ADGRL3: variants seen among roughly 807,000 people sequenced by gnomAD.
ADGRL3 encodes the protein calcium-independent alpha-latrotoxin receptor 3.
A neutral mutation model predicts 153.5 loss-of-function variants in ADGRL3; 62 were observed. The observed-to-expected ratio is 0.40, with a 90% CI of 0.33 to 0.50. ADGRL3 has a LOEUF of 0.50. Ranked by LOEUF, ADGRL3 falls within the 20% of genes least tolerant of loss-of-function variation. The pLI, the probability that ADGRL3 is intolerant of heterozygous loss-of-function variation, is 0.47. For missense variants in ADGRL3, 1,641 were observed against 1,859.4 expected, an observed-to-expected ratio of 0.88 and a Z score of 2.16; for synonymous variants, 710 against 672.5, an observed-to-expected ratio of 1.06 and a Z score of -0.86.
At chr4:61,787,367 TAAA>T (rs34070125) in intron 8 of ADGRL3, among the ~76,000 whole-genome samples, 1 of 150,932 alleles carries the variant, frequency 6.6e-6, no homozygotes, top group African/African-American at 2.4e-5. Context: ...ACTTTTTTTT[TAAA>T]AAAAAAGCAT....
intron 9 of ADGRL3, among the ~76,000 whole-genome samples, chr4:61,842,131 A>G (rs1325816412): frequency 2.0e-5 from 3 of 152,244 alleles, no homozygotes; most frequent in African/African-American, 7.2e-5. Flanking sequence ...TAAATTCTAT[A>G]CAGTTAAAAC....
rs1217103808 is a variant in ADGRL3, at chr4:61,935,994, G to A, written c.2368G>A (p.Gly790Arg). ...AAAATTTCCAGAAAACATGGGCCAT[G>A]GAAGCACTATCCAGCTGTCTGCAAA... ...DLKFPENMGH[G>R]STIQLSANTL... Residue 790 changes from glycine to arginine, a missense_variant, in exon 15 of 27, where the codon GGA becomes AGA. Coordinates refer to ENST00000683033, the MANE Select transcript of ADGRL3 (RefSeq NM_001387552.1). 6.2e-7 allele frequency: 1 copy of A among 1,609,320 alleles called. No individual in the cohort carries two copies. The highest frequency in any genetic ancestry group is 8.5e-7 in the Non-Finnish European group (1 of 1,177,654).
intron 8 of ADGRL3, among the ~76,000 whole-genome samples, chr4:61,780,300 C>T (rs1216304704): frequency 6.6e-6 from 1 of 152,182 alleles, no homozygotes; most frequent in African/African-American, 2.4e-5. Context: ...TGCCATTTAT[C>T]CTCACCTTGA....
intron 6 of ADGRL3, among the ~76,000 whole-genome samples, chr4:61,702,453 T>C (rs543032239): frequency 6.6e-6 from 1 of 152,334 alleles, no homozygotes; most frequent in East Asian, 1.9e-4. Context: ...TTTATAACTT[T>C]ATTTTATAAT....
intron 17 of ADGRL3, among the ~76,000 whole-genome samples, chr4:61,961,676 AAAG>A (rs562049162): frequency 1.3e-3 from 193 of 152,298 alleles, no homozygotes; most frequent in African/African-American, 4.5e-3. Context: ...AAAAAAGAAG[AAAG>A]AGAATCTACC....
chr4:61,785,637 A>G (rs983773580), intron 8 of ADGRL3, among the ~76,000 whole-genome samples: 2 of 152,140 alleles, frequency 1.3e-5, no homozygotes, highest in Non-Finnish European at 2.9e-5. Context: ...GAATAAACCC[A>G]TAGAATTTTC....
intron 12 of ADGRL3, among the ~76,000 whole-genome samples, chr4:61,911,290 A>T (rs1453977648): frequency 6.6e-6 from 1 of 152,192 alleles, no homozygotes; most frequent in East Asian, 1.9e-4. Context: ...AATTAATGTC[A>T]CATTCTAACT....
chr4:61,406,992 T>G (rs10428398), intron 2 of ADGRL3, among the ~76,000 whole-genome samples: 4,651 of 152,146 alleles, frequency 0.031, 223 homozygotes, highest in East Asian at 0.21. Flanking sequence ...AAATAAAATA[T>G]TATGGATACG....
At position 62,031,479 on chromosome 4, in the gene ADGRL3, T is replaced by A. The variant is rs184797234; in HGVS notation, c.3460T>A (p.Leu1154Ile). The A allele has an allele frequency of 6.2e-7, 1 of 1,610,682 alleles. No individual in the cohort carries two copies. The highest frequency in any genetic ancestry group is 8.5e-7 in the Non-Finnish European group (1 of 1,177,708). ...VIGAIALLCL[L>I]GLTWAFGLMY... ...AGGTGCAATAGCTCTTCTCTGCCTATTAGGATTGACCTGGGCCTTTGGACT... is the reference window on the plus strand; with the variant it reads ...AGGTGCAATAGCTCTTCTCTGCCTAATAGGATTGACCTGGGCCTTTGGACT... Residue 1154 changes from leucine (L) to isoleucine (I), a missense_variant, in exon 23 of 27, where the codon TTA becomes ATA. Leu to Ile is a conservative substitution (Grantham distance 5). Transcript: ENST00000683033.
At chr4:61,601,470 A>G (rs942988705) in intron 5 of ADGRL3, among the ~76,000 whole-genome samples, 1 of 152,206 alleles carries the variant, frequency 6.6e-6, no homozygotes, top group African/African-American at 2.4e-5. Context: ...ATGAATTCAA[A>G]CTATTAATTC....
chr4:61,318,668 G>T (rs1445707662), intron 1 of ADGRL3, among the ~76,000 whole-genome samples: 1 of 152,126 alleles, frequency 6.6e-6, no homozygotes. Context: ...TTAATCTTTG[G>T]TAAATGCCAT....
At chr4:61,853,209 C>T (rs890137758) in intron 9 of ADGRL3, among the ~76,000 whole-genome samples, 3 of 152,052 alleles carry the variant, frequency 2.0e-5, no homozygotes, top group Non-Finnish European at 2.9e-5. Flanking sequence ...CCATTAGAGG[C>T]CCCACTTTGG....
chr4:61,516,038 A>G (rs1266623745), intron 3 of ADGRL3, among the ~76,000 whole-genome samples: 1 of 152,152 alleles, frequency 6.6e-6, no homozygotes, highest in Non-Finnish European at 1.5e-5. Flanking sequence ...ATTGTAATAA[A>G]TTCAAATAAA....
At chr4:61,478,934 A>G (rs1298503890) in intron 2 of ADGRL3, among the ~76,000 whole-genome samples, 1 of 152,010 alleles carries the variant, frequency 6.6e-6, no homozygotes, top group East Asian at 1.9e-4. Flanking sequence ...ACCCTAAAAA[A>G]CTCTTAAGAG....
rs1734688611 is a variant in ADGRL3 at position 61,201,595 on chromosome 4, G to C, written c.-410G>C. On this transcript the variant is annotated 5_prime_UTR_variant, in exon 1 of 27. Transcript: ENST00000683033. ...TGACTGGGGTCTCCACCCTCCTGCT[G>C]CTTTCTCTGCGCTTCGATTCTCGTT... 6.6e-6 allele frequency: 1 copy of C among 152,412 alleles called. No individual in the cohort carries two copies. Among genetic ancestry groups the C allele is most frequent in the South Asian group, 2.1e-4 (1 of 4,818 alleles). The allele number at this position is 152,412 out of a possible 1,614,324, so 9.4% of individuals were successfully genotyped here.
intron 1 of ADGRL3, among the ~76,000 whole-genome samples, chr4:61,299,163 C>T (rs183686352): frequency 1.0e-3 from 158 of 152,188 alleles, no homozygotes; most frequent in African/African-American, 3.3e-3. Flanking sequence ...ATCTTCCCCC[C>T]CTTTTCTGTG....
intron 17 of ADGRL3, among the ~76,000 whole-genome samples, chr4:61,975,212 A>T (rs1443675200): frequency 6.6e-6 from 1 of 152,176 alleles, no homozygotes; most frequent in Non-Finnish European, 1.5e-5. Context: ...CAATAGAGAG[A>T]GTCAGAATAC....
At chr4:61,796,877 T>C (rs2097421500) in intron 8 of ADGRL3, among the ~76,000 whole-genome samples, 1 of 152,186 alleles carries the variant, frequency 6.6e-6, no homozygotes, top group African/African-American at 2.4e-5. Flanking sequence ...CAAAGAAGTA[T>C]TTCAACATGG....
chr4:61,976,296 T>G (rs1170359950), intron 17 of ADGRL3, among the ~76,000 whole-genome samples: 1 of 152,174 alleles, frequency 6.6e-6, no homozygotes, highest in Non-Finnish European at 1.5e-5. Flanking sequence ...TCAACTGGTC[T>G]TCCTCTTGAA....
Sources: gnomAD v4.1 joint callset for allele counts (sites outside exome capture counted in the v4.1 genomes callset) on GRCh38, gnomAD v4.1.1 for gene constraint, MANE v1.5 for transcripts, NCBI Gene and HGNC (gene_info 2026-07-23, HGNC 2026-07-21) for gene names.